Variants in CCDC178 observed in about 807,000 individuals in gnomAD.
CCDC178 encodes coiled-coil domain containing 178.
Under a neutral mutation model 117.4 loss-of-function variants are expected in CCDC178, and 126 were observed. The observed-to-expected ratio is 1.07, with a 90% CI of 0.93 to 1.24. The LOEUF is 1.24. Ranked by LOEUF, CCDC178 falls within the 50% of genes most tolerant of loss-of-function variation. The probability of loss-of-function intolerance (pLI) is 0.00; values close to 1 mark genes in which losing one functional copy is unlikely to be tolerated. For synonymous variants in CCDC178, 283 were observed against 313.4 expected (o/e 0.90, Z 1.02); for missense variants, 1,030 against 986.9 (o/e 1.04, Z -0.59).
chr18:33,097,036 G>GT (rs746928834), intron 20 of CCDC178, among the ~76,000 whole-genome samples: 9 of 152,036 alleles, frequency 5.9e-5, no homozygotes, highest in Non-Finnish European at 1.0e-4. Flanking sequence ...CAGTCTCGAT[G>GT]TTTTTTCCAG....
At chr18:33,001,071 T>C (rs2055620531) in intron 21 of CCDC178, among the ~76,000 whole-genome samples, 1 of 152,148 alleles carries the variant, frequency 6.6e-6, no homozygotes, top group African/African-American at 2.4e-5. Flanking sequence ...ATAGGTGGGG[T>C]AAATAAATTA....
chr18:33,242,380 C>A (rs559744037), intron 15 of CCDC178, among the ~76,000 whole-genome samples: 1 of 151,614 alleles, frequency 6.6e-6, no homozygotes, highest in South Asian at 2.1e-4. Context: ...AAAGCACAGG[C>A]AACAAAAACA....
intron 15 of CCDC178, among the ~76,000 whole-genome samples, chr18:33,231,588 G>A (rs547983106): frequency 2.6e-5 from 4 of 152,256 alleles, no homozygotes; most frequent in Admixed American, 6.5e-5. Flanking sequence ...TTTTACTTTT[G>A]GAGTAAAGCT....
intron 15 of CCDC178, among the ~76,000 whole-genome samples, chr18:33,241,440 G>A (rs974734479): frequency 2.7e-4 from 41 of 149,148 alleles, no homozygotes; most frequent in African/African-American, 9.9e-4. Flanking sequence ...GTGTGTGTGT[G>A]TGTGTGTGTG....
At chr18:33,086,421 T>TACAC (rs1478336362) in intron 21 of CCDC178, among the ~76,000 whole-genome samples, 9 of 149,696 alleles carry the variant, frequency 6.0e-5, no homozygotes, top group African/African-American at 1.7e-4. Flanking sequence ...TATATAAATA[T>TACAC]ATATACACAC....
intron 21 of CCDC178, among the ~76,000 whole-genome samples, chr18:33,084,581 G>C (rs572985237): frequency 6.6e-6 from 1 of 152,168 alleles, no homozygotes; most frequent in South Asian, 2.1e-4. Context: ...GAGGGGCCGA[G>C]GCAGGCAGAT....
At chr18:33,165,355 A>G (rs1364536955) in intron 20 of CCDC178, among the ~76,000 whole-genome samples, 1 of 152,120 alleles carries the variant, frequency 6.6e-6, no homozygotes, top group African/African-American at 2.4e-5. Context: ...CAATTTACAC[A>G]GTGTTTACAT....
At chr18:33,241,330 T>C (rs922498044) in intron 15 of CCDC178, among the ~76,000 whole-genome samples, 3 of 151,550 alleles carry the variant, frequency 2.0e-5, no homozygotes, top group Non-Finnish European at 4.4e-5. Flanking sequence ...AATATACCAC[T>C]AGAAGTCCTA....
At chr18:33,004,318 C>A (rs2055706280) in intron 21 of CCDC178, among the ~76,000 whole-genome samples, 1 of 152,004 alleles carries the variant, frequency 6.6e-6, no homozygotes, top group South Asian at 2.1e-4. Flanking sequence ...AATAGAGAAT[C>A]CAGAAACAAA....
intron 21 of CCDC178, among the ~76,000 whole-genome samples, chr18:33,023,822 T>G (rs1282638522): frequency 6.6e-6 from 1 of 152,048 alleles, no homozygotes; most frequent in East Asian, 1.9e-4. Flanking sequence ...TCTGAATACA[T>G]CAATAAAATT....
At chr18:33,310,781 A>T (rs1217170009) in intron 11 of CCDC178, among the ~76,000 whole-genome samples, 1 of 152,194 alleles carries the variant, frequency 6.6e-6, no homozygotes, top group African/African-American at 2.4e-5. Context: ...AAATTACAAG[A>T]CATTTTTATT....
At chr18:33,298,608 C>G (rs2062137470) in intron 11 of CCDC178, among the ~76,000 whole-genome samples, 1 of 152,090 alleles carries the variant, frequency 6.6e-6, no homozygotes, top group African/African-American at 2.4e-5. Flanking sequence ...CTCATTCAAC[C>G]TAATACTGGA....
At chr18:33,208,481 T>C (rs1361667178) in intron 20 of CCDC178, among the ~76,000 whole-genome samples, 1 of 152,092 alleles carries the variant, frequency 6.6e-6, no homozygotes, top group African/African-American at 2.4e-5. Context: ...GACCGCTATA[T>C]TCAAGTCTGT....
intron 4 of CCDC178, among the ~76,000 whole-genome samples, chr18:33,392,773 G>T (rs2063580643): frequency 6.6e-6 from 1 of 152,076 alleles, no homozygotes; most frequent in South Asian, 2.1e-4. Context: ...GAGGCAGAAT[G>T]ATCACTTAAG....
chr18:33,118,501 C>A (rs139261842), intron 20 of CCDC178, among the ~76,000 whole-genome samples: 107 of 152,122 alleles, frequency 7.0e-4, no homozygotes, highest in African/African-American at 2.4e-3. Context: ...GAAAGAAGGA[C>A]CTCTTCAAGA....
intron 20 of CCDC178, among the ~76,000 whole-genome samples, chr18:33,179,842 T>G (rs1215478617): frequency 6.6e-6 from 1 of 152,058 alleles, no homozygotes; most frequent in Admixed American, 6.6e-5. Context: ...AGAATATTAG[T>G]TTTAACACCG....
At chr18:33,079,256 C>T (rs983853256) in intron 21 of CCDC178, among the ~76,000 whole-genome samples, 4 of 152,288 alleles carry the variant, frequency 2.6e-5, no homozygotes, top group African/African-American at 9.6e-5. Flanking sequence ...CCCTTCCTTA[C>T]ACCATATACA....
At chr18:33,038,204 T>C (rs929344161) in intron 21 of CCDC178, among the ~76,000 whole-genome samples, 1 of 151,930 alleles carries the variant, frequency 6.6e-6, no homozygotes, top group African/African-American at 2.4e-5. Context: ...AAAGTCAACA[T>C]GGTTAAATTA....
At chr18:33,349,156 G>A (rs973226899) in intron 7 of CCDC178, among the ~76,000 whole-genome samples, 181 bp from the exon 8 acceptor site, 3 of 151,528 alleles carry the variant, frequency 2.0e-5, no homozygotes, top group Non-Finnish European at 4.4e-5. Context: ...TACACTTAAC[G>A]GTAAATTAAT....
Sources: allele counts gnomAD v4.1 joint callset (sites outside exome capture counted in the v4.1 genomes callset), GRCh38; gene constraint gnomAD v4.1.1; transcripts MANE v1.5; gene names NCBI Gene and HGNC (gene_info 2026-07-23, HGNC 2026-07-21).